AKR1C2: variants seen among roughly 807,000 people sequenced by gnomAD.
The protein encoded by AKR1C2 is 3-alpha-HSD3.
A neutral mutation model predicts 39.8 loss-of-function variants in AKR1C2; 27 were observed. The observed-to-expected ratio is 0.68, with a 90% CI of 0.50 to 0.93. The LOEUF (loss-of-function observed/expected upper bound fraction) is 0.93. Ranked by LOEUF, AKR1C2 falls within the 40% of genes least tolerant of loss-of-function variation. The pLI is 0.00. For synonymous variants in AKR1C2, 114 were observed against 137.9 expected, an observed-to-expected ratio of 0.83 and a Z score of 1.22; for missense variants, 263 against 365.1, an observed-to-expected ratio of 0.72 and a Z score of 2.28.
intron 5 of AKR1C2, chr10:4,996,165 T>C (rs1186235374): frequency 2.4e-5 from 7 of 287,104 alleles, no homozygotes; most frequent in African/African-American, 4.5e-5. Context: ...CTTTGAGCCT[T>C]GGGCATCAAA....
chr10:4,997,306 T>C (rs1156537392), intron 5 of AKR1C2: 2 of 152,256 alleles, frequency 1.3e-5, no homozygotes, highest in African/African-American at 2.4e-5. Context: ...AATTGAATTC[T>C]GGTTAAAAAA....
intron 7 of AKR1C2, among the ~76,000 whole-genome samples, chr10:4,992,212 G>T (rs1836865193): frequency 6.6e-6 from 1 of 151,212 alleles, no homozygotes; most frequent in Non-Finnish European, 1.5e-5. Context: ...ATAGGGCCAT[G>T]TACCTAGAAG....
Position 5,001,507 on chromosome 10 carries a change from A to C in AKR1C2, c.252+7T>G. 2 of 1,612,616 alleles carry C rather than the reference A, an allele frequency of 1.2e-6. No homozygotes were observed. The highest frequency in any genetic ancestry group is 1.7e-6 in the Non-Finnish European group (2 of 1,179,428). On this transcript the variant is annotated splice_region_variant and intron_variant, in intron 2 of 8. Coordinates refer to ENST00000380753, the MANE Select transcript of AKR1C2 (RefSeq NM_001393392.1). ...ATGTGCACACAAGCTCATCATAGGC[A>C]CAGTACCTTTGAAGTGTAGAATATG...
intron 1 of AKR1C2, among the ~76,000 whole-genome samples, chr10:5,002,480 T>C (rs1475168863): frequency 6.6e-6 from 1 of 152,198 alleles, no homozygotes; most frequent in Non-Finnish European, 1.5e-5. Context: ...GGAGTAAAGA[T>C]GTATACTCTA....
intron 1 of AKR1C2, among the ~76,000 whole-genome samples, chr10:5,003,106 G>C (rs1168620927): frequency 6.6e-6 from 1 of 151,368 alleles, no homozygotes; most frequent in Non-Finnish European, 1.5e-5. Context: ...TAATTTTCTT[G>C]TCAGAGAAAC....
intron 3 of AKR1C2, chr10:4,999,770 G>C (rs541441144): frequency 1.4e-5 from 3 of 221,296 alleles, no homozygotes; most frequent in Non-Finnish European, 2.3e-5. Flanking sequence ...AGGAGCTCAC[G>C]GTAATGAACA....
At chr10:4,998,496 G>A in intron 5 of AKR1C2, 129 bp downstream of exon 5, 1 of 1,515,264 alleles carries the variant, frequency 6.6e-7, no homozygotes, top group African/African-American at 1.4e-5. Flanking sequence ...TGCCCTTCTA[G>A]GAAGAGGCTT....
intron 1 of AKR1C2, among the ~76,000 whole-genome samples, chr10:5,012,262 G>A (rs1291463691): frequency 2.6e-5 from 4 of 151,776 alleles, no homozygotes; most frequent in Non-Finnish European, 5.9e-5. Context: ...TCTCCACAAA[G>A]CTAGTACAGT....
rs533994964 is a variant in AKR1C2 at position 5,013,599 on chromosome 10, C to T, written c.-88+4301G>A. Reference sequence around the variant, plus strand: ...ACCCTGATGGACCTGGTTAAACCTGCATCTCTGCATTTCTCCAGGGCCTAG... The same window carrying T: ...ACCCTGATGGACCTGGTTAAACCTGTATCTCTGCATTTCTCCAGGGCCTAG... On this transcript the variant is annotated intron_variant, in intron 1 of 6. Coordinates refer to the AKR1C2 transcript ENST00000604507. 1.5e-4 allele frequency: 25 copies of T among 164,264 alleles called. No homozygotes were observed. In the South Asian group the frequency reaches 4.2e-3, roughly 28 times the overall value. The allele number at this position is 164,264 out of a possible 1,614,324, so 10.2% of individuals were successfully genotyped here.
chr10:5,001,936 C>T (rs1345943744), intron 1 of AKR1C2, among the ~76,000 whole-genome samples: 1 of 152,188 alleles, frequency 6.6e-6, no homozygotes, highest in Non-Finnish European at 1.5e-5. Context: ...AACAATTTCA[C>T]TTTCAGTGAT....
chr10:5,000,617 C>T lies in AKR1C2; in HGVS notation c.302G>A (p.Arg101Lys). ...GTCCAATTGAAGATTTTTCAGTGACCTTTCCAAGGCTGGTCGGACCAACTC... is the reference window on the plus strand; with the variant it reads ...GTCCAATTGAAGATTTTTCAGTGACTTTTCCAAGGCTGGTCGGACCAACTC... ...RPELVRPALE[R>K]SLKNLQLDYV... Residue 101 changes from arginine to lysine, a missense_variant, in exon 3 of 9, where the codon AGG becomes AAG. Coordinates refer to ENST00000380753, the MANE Select transcript of AKR1C2 (RefSeq NM_001393392.1). 6 of 1,613,980 alleles carry T rather than the reference C, an allele frequency of 3.7e-6. No individual in the cohort carries two copies. Among genetic ancestry groups the T allele is most frequent in the Non-Finnish European group, 5.1e-6 (6 of 1,179,920 alleles).
At chr10:4,996,228 A>G (rs2904806) in intron 5 of AKR1C2, 91,347 of 194,928 alleles carry the variant, frequency 0.47, 22,476 homozygotes, top group East Asian at 0.54. Flanking sequence ...AGGTCTGAAA[A>G]ACAAAAGAAC....
intron 1 of AKR1C2, among the ~76,000 whole-genome samples, chr10:5,003,342 A>G (rs1186486755): frequency 6.6e-6 from 1 of 151,484 alleles, no homozygotes; most frequent in Non-Finnish European, 1.5e-5. Context: ...CCATCAGAAC[A>G]GTGATACTCT....
upstream of AKR1C2, chr10:5,006,444 A>G (rs560829631): frequency 2.0e-4 from 30 of 152,288 alleles, no homozygotes; most frequent in African/African-American, 6.7e-4. Context: ...TCTACTAAAA[A>G]TAGAAAAAAT....
rs1554775032 is a variant in AKR1C2 at position 5,012,970 on chromosome 10, T to C, written c.-88+4930A>G. Reference sequence around the variant, plus strand: ...TATAACCCATTCTTTGAATACCTTCTACACTTCTGTATCTAATTCTTCTCT... The same window carrying C: ...TATAACCCATTCTTTGAATACCTTCCACACTTCTGTATCTAATTCTTCTCT... On this transcript the variant is annotated intron_variant, in intron 1 of 6. Transcript: ENST00000604507. 2.0e-5 allele frequency among the ~76,000 whole-genome samples: 3 copies of C among 152,356 alleles called. No homozygotes were observed. In the East Asian group the frequency reaches 5.8e-4, roughly 29 times the overall value.
chr10:4,998,892 A>G, intron 4 of AKR1C2, 145 bp from the exon 5 acceptor site: 1 of 1,401,124 alleles, frequency 7.1e-7, no homozygotes, highest in Non-Finnish European at 9.5e-7. Flanking sequence ...AAAATAAAAC[A>G]GAAAAATTGG....
At chr10:5,009,805 A>G (rs1837483519) in intron 1 of AKR1C2, among the ~76,000 whole-genome samples, 1 of 151,898 alleles carries the variant, frequency 6.6e-6, no homozygotes, top group Admixed American at 6.6e-5. Flanking sequence ...CGGCAGAACA[A>G]TGACACACAG....
intron 1 of AKR1C2, among the ~76,000 whole-genome samples, chr10:5,010,808 C>G (rs1299760336): frequency 6.6e-6 from 1 of 152,154 alleles, no homozygotes; most frequent in African/African-American, 2.4e-5. Flanking sequence ...CTTGCTTATA[C>G]CTCAAAATAG....
At chr10:5,011,359 C>A (rs1554774906) in intron 1 of AKR1C2, among the ~76,000 whole-genome samples, 2 of 152,180 alleles carry the variant, frequency 1.3e-5, no homozygotes, top group African/African-American at 4.8e-5. Context: ...GATAGCTACA[C>A]TAAAAGCCCA....
Sources: allele counts gnomAD v4.1 joint callset (sites outside exome capture counted in the v4.1 genomes callset), GRCh38; gene constraint gnomAD v4.1.1; transcripts MANE v1.5; gene names NCBI Gene and HGNC (gene_info 2026-07-23, HGNC 2026-07-21).